PRDM10: variants seen among roughly 807,000 people sequenced by gnomAD.
PRDM10 encodes PR/SET domain 10.
A neutral mutation model predicts 133.1 loss-of-function variants in PRDM10; 65 were observed. The observed-to-expected ratio is 0.49, with a 90% CI of 0.40 to 0.60. The LOEUF (loss-of-function observed/expected upper bound fraction) is 0.60. PRDM10 is among the 20% of genes least tolerant of loss of function. The pLI is 0.00. For synonymous variants in PRDM10, 582 were observed against 580.4 expected, an observed-to-expected ratio of 1.00 and a Z score of -0.04; for missense variants, 1,137 against 1,507.1, an observed-to-expected ratio of 0.75 and a Z score of 4.07.
rs1372209637 is a variant in PRDM10 at position 129,923,628 on chromosome 11, C to T, written c.1879-225G>A. The stretch of plus-strand genomic sequence containing the variant: ...AAAGCCTTAGAAATCCGAACCTCCC[C>T]GATGACTTGAAACGTGAGAGAGAGA... On this transcript the variant is annotated intron_variant, in intron 12 of 20. Coordinates refer to ENST00000360871, the MANE Select transcript of PRDM10 (RefSeq NM_199437.2). The surrounding 1 kb of genome is among the most constrained non-coding windows in gnomAD (Gnocchi z 4.4). Among the ~76,000 whole-genome samples, 2 of 131,276 alleles carry T rather than the reference C, an allele frequency of 1.5e-5. No homozygotes were observed. Among genetic ancestry groups the T allele is most frequent in the Non-Finnish European group, 3.1e-5 (2 of 65,384 alleles). The allele number at this position is 131,276 out of a possible 152,430, so 86.1% of individuals were successfully genotyped here.
Position 129,971,466 on chromosome 11 carries a change from G to A in PRDM10, c.-118-10384C>T, listed in dbSNP as rs191299963. 1.8e-3 allele frequency among the ~76,000 whole-genome samples: 281 copies of A among 152,272 alleles called. 2 individuals carry two copies. Among genetic ancestry groups the A allele is most frequent in the African/African-American group, 6.5e-3 (269 of 41,554 alleles). On this transcript the variant is annotated intron_variant, in intron 1 of 20. Transcript: ENST00000360871. ...ACAAAGGTTCTCCAAGGCCCCACCAGAGCAGCTAGATACAGAGTGTCCATT... is the reference window on the plus strand; with the variant it reads ...ACAAAGGTTCTCCAAGGCCCCACCAAAGCAGCTAGATACAGAGTGTCCATT...
rs202160396 is a variant in PRDM10, at chr11:129,932,191, C to G, written c.1198G>C (p.Gly400Arg). 1 of 1,613,974 alleles carries G rather than the reference C, an allele frequency of 6.2e-7. No homozygotes were observed. ...RGRGRGKRRF[G>R]PGRRPGRPPK... ...GGACGCCCCGGCCGTCGACCTGGAC[C>G]GAATCGCCTCTTGCCTCGTCCCCTT... Residue 400 changes from glycine to arginine, a missense_variant, in exon 10 of 21, where the codon GGT (glycine) becomes CGT (arginine). Physicochemically the swap from Gly to Arg is moderately radical, Grantham distance 125 (BLOSUM62 -2). Transcript: ENST00000360871.
At chr11:129,969,234 A>T (rs1951966852) in intron 1 of PRDM10, among the ~76,000 whole-genome samples, 1 of 152,240 alleles carries the variant, frequency 6.6e-6, no homozygotes, top group Non-Finnish European at 1.5e-5. Context: ...ACCCAAGCAT[A>T]AAAAGAGTAT....
intron 1 of PRDM10, among the ~76,000 whole-genome samples, chr11:129,981,589 C>A (rs961337341): frequency 5.3e-5 from 8 of 152,094 alleles, no homozygotes; most frequent in African/African-American, 1.9e-4. Flanking sequence ...ATGTGCCAAT[C>A]ATTTATTTAA....
chr11:129,944,462 G>A (rs1255687377), intron 6 of PRDM10, among the ~76,000 whole-genome samples: 1 of 151,888 alleles, frequency 6.6e-6, no homozygotes, highest in Non-Finnish European at 1.5e-5. Flanking sequence ...GCGGGCGCCT[G>A]TAGTCCCAGC....
intron 1 of PRDM10, among the ~76,000 whole-genome samples, chr11:129,986,397 G>GT (rs921334038): frequency 6.6e-6 from 1 of 151,730 alleles, no homozygotes; most frequent in South Asian, 2.1e-4. Flanking sequence ...TTTGCTTTGG[G>GT]TTTTTTTTCG....
intron 7 of PRDM10, among the ~76,000 whole-genome samples, chr11:129,940,559 AT>A (rs1005735603): frequency 8.5e-5 from 13 of 152,266 alleles, no homozygotes; most frequent in East Asian, 7.7e-4. Context: ...ATGTTGAAAA[AT>A]TTTTTTAACT....
At chr11:129,975,763 C>T (rs1487862803) in intron 1 of PRDM10, among the ~76,000 whole-genome samples, 1 of 152,194 alleles carries the variant, frequency 6.6e-6, no homozygotes, top group Non-Finnish European at 1.5e-5. Flanking sequence ...CTCCAACCCA[C>T]CGCCCTCGAA....
At position 129,947,490 on chromosome 11, in the gene PRDM10, C is replaced by T. The variant is rs139156593; in HGVS notation, c.295-120G>A. ...TGAAATCTAGTCTTCCTACCAACTC[C>T]TTCCAGGCCCTGGAAAAATGACTTC... is the stretch of plus-strand genomic sequence containing the variant. On this transcript the variant is annotated intron_variant, in intron 4 of 20. Coordinates refer to ENST00000360871, the MANE Select transcript of PRDM10 (RefSeq NM_199437.2). This position sits in a 1 kb window ranked among gnomAD's most constrained non-coding sequence, Gnocchi z 4.6. 974 of 1,534,724 alleles carry T rather than the reference C, an allele frequency of 6.3e-4. 11 individuals are homozygous for T. The African/African-American group carries it at 0.012, about 19-fold the overall frequency.
At chr11:129,910,454 G>C in intron 19 of PRDM10, 22 bp downstream of exon 19, 1 of 1,613,308 alleles carries the variant, frequency 6.2e-7, no homozygotes, top group Non-Finnish European at 8.5e-7. Context: ...TGACCGACAC[G>C]GCATCGTCCC....
intron 1 of PRDM10, among the ~76,000 whole-genome samples, chr11:129,965,031 C>T (rs1435115173): frequency 3.3e-5 from 5 of 152,098 alleles, no homozygotes; most frequent in African/African-American, 7.2e-5. Context: ...TTTGGCTGGG[C>T]GAGGTGGCTC....
chr11:130,001,277 G>A (rs1008578260), intron 1 of PRDM10, among the ~76,000 whole-genome samples: 2 of 152,104 alleles, frequency 1.3e-5, no homozygotes, highest in African/African-American at 4.8e-5. Flanking sequence ...TGCTGGAATG[G>A]TAGGAAGATA....
chr11:129,996,543 T>G (rs1370607426), intron 1 of PRDM10, among the ~76,000 whole-genome samples: 2 of 152,172 alleles, frequency 1.3e-5, no homozygotes, highest in African/African-American at 4.8e-5. Context: ...ACAGAGACCA[T>G]ATGGCCCACA....
intron 1 of PRDM10, among the ~76,000 whole-genome samples, chr11:129,997,668 T>C (rs1038605423): frequency 6.6e-6 from 1 of 152,242 alleles, no homozygotes; most frequent in Non-Finnish European, 1.5e-5. Context: ...AATCAATGTA[T>C]TGAATAACAG....
chr11:129,990,383 G>A (rs1004398846), intron 1 of PRDM10, among the ~76,000 whole-genome samples: 2 of 150,628 alleles, frequency 1.3e-5, no homozygotes, highest in South Asian at 2.1e-4. Context: ...TAAGCCGGGC[G>A]TGGTGGCGCA....
rs975658441 is a variant in PRDM10, at chr11:129,924,937, T to A, written c.1823A>T (p.Asn608Ile). Residue 608 changes from asparagine (N) to isoleucine (I), a missense_variant, in exon 12 of 21, where the codon AAT (asparagine) becomes ATT (isoleucine). By Grantham distance (149) the Asn-to-Ile change is moderately radical (BLOSUM62 -3). Around this residue, in one of 6 missense-constraint regions of PRDM10, gnomAD observed 635 missense variants for 835.2 expected, o/e 0.76. Transcript: ENST00000360871. ...LLKDHVAIHI[N>I]DGYFTCPTCK... The stretch of plus-strand genomic sequence containing the variant: ...AGTTGGGCAGGTGAAGTAGCCATCA[T>A]TGATATGAATGGCCACATGATCTTT... 3.1e-6 allele frequency: 5 copies of A among 1,614,002 alleles called. No homozygotes were observed. The highest frequency in any genetic ancestry group is 4.2e-6 in the Non-Finnish European group (5 of 1,179,996).
At chr11:129,973,401 C>A (rs1271404407) in intron 1 of PRDM10, among the ~76,000 whole-genome samples, 4 of 152,178 alleles carry the variant, frequency 2.6e-5, no homozygotes, top group African/African-American at 9.7e-5. Context: ...CAAGGTAGAA[C>A]CTTCCCAGCA....
intron 1 of PRDM10, among the ~76,000 whole-genome samples, chr11:129,963,451 G>T (rs1951842903): frequency 6.7e-6 from 1 of 148,854 alleles, no homozygotes; most frequent in South Asian, 2.2e-4. Flanking sequence ...GAAGAGAAGA[G>T]AAGAAGTCAT....
intron 1 of PRDM10, among the ~76,000 whole-genome samples, chr11:129,993,561 T>C (rs1269587667): frequency 6.6e-6 from 1 of 152,130 alleles, no homozygotes; most frequent in Non-Finnish European, 1.5e-5. Flanking sequence ...CTCGGATCAC[T>C]GCAAGCTCTG....
Sources: allele counts gnomAD v4.1 joint callset (sites outside exome capture counted in the v4.1 genomes callset), GRCh38; gene constraint gnomAD v4.1.1; regional missense constraint gnomAD v4.1.1; non-coding constraint Gnocchi (gnomAD v3.1); transcripts MANE v1.5; gene names NCBI Gene and HGNC (gene_info 2026-07-23, HGNC 2026-07-21).